The following BMPR1B variants were observed in gnomAD, a reference collection of about 807,000 sequenced individuals.
The protein encoded by BMPR1B is bone morphogenetic protein receptor type 1B.
Under a neutral mutation model 59.1 loss-of-function variants are expected in BMPR1B, and 12 were observed. The ratio of observed to expected loss-of-function variants is 0.20; its 90% CI spans 0.13 to 0.33. The LOEUF is 0.33. BMPR1B is among the 10% of genes least tolerant of loss of function. The pLI, the probability that BMPR1B is intolerant of heterozygous loss-of-function variation, is 1.00. For synonymous variants in BMPR1B, 237 were observed against 207.3 expected (o/e 1.14, Z -1.23); for missense variants, 550 against 610.9 (o/e 0.90, Z 1.05).
intron 8 of BMPR1B, among the ~76,000 whole-genome samples, chr4:95,126,605 A>C (rs1051086036): frequency 6.6e-6 from 1 of 152,290 alleles, no homozygotes; most frequent in Non-Finnish European, 1.5e-5. Flanking sequence ...CAGGATTCAA[A>C]CCCAGATGAT....
rs1418683699 is a variant in BMPR1B, at chr4:94,770,180, GTGTT to G, written c.-183+12118_-183+12121del. Among the ~76,000 whole-genome samples, 16 of 106,276 alleles carry G rather than the reference GTGTT, an allele frequency of 1.5e-4. 1 individual carries two copies. Among genetic ancestry groups the G allele is most frequent in the African/African-American group, 2.9e-4 (7 of 24,208 alleles). 69.7% of individuals were successfully genotyped at this position (106,276 alleles called of 152,430 possible). A position where few individuals can be genotyped will look rare whatever the true frequency, so the allele number is the denominator to read the frequency against. On this transcript the variant is annotated intron_variant, in intron 1 of 12. Coordinates refer to ENST00000515059, the MANE Select transcript of BMPR1B (RefSeq NM_001203.3). The stretch of plus-strand genomic sequence containing the variant: ...TTTGTTTGAATTGTCCTTCGTTTCT[GTGTT>G]TGTTTTTTTTTTTTTTTTTTGCGAA...
intron 1 of BMPR1B, among the ~76,000 whole-genome samples, chr4:94,827,407 T>C (rs1276361378): frequency 2.0e-5 from 3 of 152,202 alleles, no homozygotes; most frequent in Non-Finnish European, 4.4e-5. Flanking sequence ...ATATAAAGTG[T>C]ATATAAACTT....
At position 94,995,213 on chromosome 4, in the gene BMPR1B, A is replaced by G. The variant is rs80110196; in HGVS notation, c.-112-827A>G. On this transcript the variant is annotated intron_variant, in intron 2 of 12. Coordinates refer to ENST00000515059, the MANE Select transcript of BMPR1B (RefSeq NM_001203.3). ...CTTGGAATCTATCCTTAATCTAAAA[A>G]TTAAATTTTTAAGTTGTTATAAATA... Among the ~76,000 whole-genome samples, 190 of 152,300 alleles carry G rather than the reference A, an allele frequency of 1.2e-3. 4 individuals carry two copies. The East Asian group carries it at 0.028, about 23-fold the overall frequency.
intron 3 of BMPR1B, among the ~76,000 whole-genome samples, chr4:95,103,081 A>AT: frequency 6.6e-6 from 1 of 152,138 alleles, no homozygotes; most frequent in East Asian, 1.9e-4. Flanking sequence ...TCTTTTATAA[A>AT]TTTGAATAAT....
chr4:94,808,710 C>A (rs1250243171), intron 1 of BMPR1B, among the ~76,000 whole-genome samples: 2 of 152,076 alleles, frequency 1.3e-5, no homozygotes, highest in African/African-American at 4.8e-5. Flanking sequence ...TTTTATTTCG[C>A]CATTGGCCTT....
At chr4:95,116,772 C>A (rs771082560) in intron 6 of BMPR1B, among the ~76,000 whole-genome samples, 9 of 151,902 alleles carry the variant, frequency 5.9e-5, no homozygotes, top group Non-Finnish European at 1.3e-4. Context: ...CACCACCACA[C>A]CCAGCTAGAA....
intron 3 of BMPR1B, among the ~76,000 whole-genome samples, chr4:95,043,474 G>T (rs1040235523): frequency 1.3e-5 from 2 of 152,112 alleles, no homozygotes; most frequent in African/African-American, 4.8e-5. Context: ...TTGCCTTGTT[G>T]TCTCATGAAT....
At position 94,900,379 on chromosome 4, in the gene BMPR1B, G is replaced by A. The variant is rs534658176; in HGVS notation, c.-113+24479G>A. On this transcript the variant is annotated intron_variant, in intron 2 of 12. Transcript: ENST00000515059. ...ATAGCCTAACAGAAATAAGTTTTAAGAACATTTTACATGTTAATCAGAGTG... is the reference window on the plus strand; with the variant it reads ...ATAGCCTAACAGAAATAAGTTTTAAAAACATTTTACATGTTAATCAGAGTG... Among the ~76,000 whole-genome samples the A allele has an allele frequency of 1.6e-3, 232 of 149,608 alleles. 1 individual carries two copies. Among genetic ancestry groups the A allele is most frequent in the African/African-American group, 5.6e-3 (228 of 40,760 alleles).
At chr4:94,889,857 A>G (rs189597061) in intron 2 of BMPR1B, among the ~76,000 whole-genome samples, 2 of 152,142 alleles carry the variant, frequency 1.3e-5, no homozygotes, top group African/African-American at 2.4e-5. Context: ...AGGAGGAGGA[A>G]GAAGAAGTAA....
At chr4:94,918,253 G>A (rs915441426) in intron 2 of BMPR1B, among the ~76,000 whole-genome samples, 3 of 151,994 alleles carry the variant, frequency 2.0e-5, no homozygotes, top group Admixed American at 2.0e-4. Context: ...AAGTCTTGAG[G>A]CAGTTCTATT....
At chr4:94,965,089 G>C (rs1444925) in intron 2 of BMPR1B, among the ~76,000 whole-genome samples, 73,567 of 151,800 alleles carry the variant, frequency 0.48, 18,193 homozygotes, top group South Asian at 0.6. Context: ...GAGCTTCCCA[G>C]TACCACTCAG....
At chr4:94,932,689 C>T (rs1729140990) in intron 2 of BMPR1B, among the ~76,000 whole-genome samples, 1 of 152,038 alleles carries the variant, frequency 6.6e-6, no homozygotes, top group South Asian at 2.1e-4. Context: ...AAAAAATTGG[C>T]ATTTTACAAC....
intron 1 of BMPR1B, among the ~76,000 whole-genome samples, chr4:94,819,868 T>C (rs1275630415): frequency 3.9e-5 from 6 of 152,194 alleles, no homozygotes; most frequent in African/African-American, 9.6e-5. Context: ...TAATGAAATA[T>C]TTTTTTGAAA....
At chr4:95,143,930 G>C (rs1734437700) in intron 10 of BMPR1B, among the ~76,000 whole-genome samples, 1 of 151,948 alleles carries the variant, frequency 6.6e-6, no homozygotes, top group African/African-American at 2.4e-5. Context: ...GCTCAGGTTT[G>C]AAGATGTTTT....
intron 7 of BMPR1B, among the ~76,000 whole-genome samples, chr4:95,124,353 A>AT (rs899597323): frequency 6.6e-6 from 1 of 151,936 alleles, no homozygotes; most frequent in Non-Finnish European, 1.5e-5. Context: ...GGTAATTCCT[A>AT]TTTTTTTAAT....
At chr4:94,870,188 T>C (rs1726426196) in intron 1 of BMPR1B, among the ~76,000 whole-genome samples, 1 of 152,226 alleles carries the variant, frequency 6.6e-6, no homozygotes, top group South Asian at 2.1e-4. Context: ...TCTTGCAATG[T>C]GAACTTCATG....
chr4:94,887,595 A>G (rs1291871751), intron 2 of BMPR1B, among the ~76,000 whole-genome samples: 1 of 151,924 alleles, frequency 6.6e-6, no homozygotes, highest in East Asian at 1.9e-4. Context: ...CAAGAAAATG[A>G]CAAAATTATC....
intron 2 of BMPR1B, among the ~76,000 whole-genome samples, chr4:94,889,212 T>A (rs541594748): frequency 2.0e-5 from 3 of 152,188 alleles, no homozygotes; most frequent in Middle Eastern, 3.4e-3. Flanking sequence ...CTTAATGGAG[T>A]TTTAATAGTG....
chr4:94,823,957 A>G (rs1018731179), intron 1 of BMPR1B, among the ~76,000 whole-genome samples: 1 of 152,160 alleles, frequency 6.6e-6, no homozygotes, highest in African/African-American at 2.4e-5. Context: ...CGTGTTAGCC[A>G]GGATGGTCTC....
Sources: allele counts gnomAD v4.1 joint callset (sites outside exome capture counted in the v4.1 genomes callset), GRCh38; gene constraint gnomAD v4.1.1; transcripts MANE v1.5; gene names NCBI Gene and HGNC (gene_info 2026-07-23, HGNC 2026-07-21).